The following MTMR2 variants were observed in gnomAD, a reference collection of about 807,000 sequenced individuals.
MTMR2 encodes the protein myotubularin related protein 2.
In MTMR2, 55 loss-of-function variants were observed where a neutral mutation model predicts 86.9. The observed-to-expected ratio is 0.63, with a 90% CI of 0.51 to 0.79. The LOEUF is 0.79. MTMR2 is among the 30% of genes least tolerant of loss of function. The probability of loss-of-function intolerance (pLI) is 0.00; values close to 1 mark genes in which losing one functional copy is unlikely to be tolerated. For missense variants in MTMR2, 659 were observed against 772.3 expected (o/e 0.85, Z 1.74); for synonymous variants, 241 against 266.8 (o/e 0.90, Z 0.94).
At chr11:95,907,638 A>G (rs1425572940) in intron 1 of MTMR2, among the ~76,000 whole-genome samples, 1 of 152,216 alleles carries the variant, frequency 6.6e-6, no homozygotes, top group East Asian at 1.9e-4. Flanking sequence ...AATCGAATCA[A>G]GCAGTGCATC....
chr11:95,867,819 A>G (rs1425165087), intron 2 of MTMR2, among the ~76,000 whole-genome samples: 1 of 149,614 alleles, frequency 6.7e-6, no homozygotes, highest in Non-Finnish European at 1.5e-5. Context: ...AGGCCTAGAA[A>G]AAAAAAAAAA....
intron 12 of MTMR2, among the ~76,000 whole-genome samples, chr11:95,839,075 T>C (rs922481907): frequency 6.6e-6 from 1 of 152,064 alleles, no homozygotes; most frequent in African/African-American, 2.4e-5. Flanking sequence ...CTTAGATCCC[T>C]TCCTTTATAG....
At chr11:95,887,514 A>C (rs902510061) in intron 2 of MTMR2, 2 of 151,362 alleles carry the variant, frequency 1.3e-5, no homozygotes, top group Admixed American at 6.6e-5. Context: ...AGTTATAGAA[A>C]AGTAGATAAA....
At chr11:95,908,545 CA>C (rs920808475) in intron 1 of MTMR2, among the ~76,000 whole-genome samples, 135 of 152,206 alleles carry the variant, frequency 8.9e-4, no homozygotes, top group African/African-American at 3.1e-3. Flanking sequence ...CAATTCTAAA[CA>C]AAAAGAACAA....
chr11:95,860,176 C>A (rs180775692), intron 5 of MTMR2, among the ~76,000 whole-genome samples: 1 of 152,084 alleles, frequency 6.6e-6, no homozygotes, highest in African/African-American at 2.4e-5. Flanking sequence ...TGGTTGCCAG[C>A]GATTACACTC....
intron 2 of MTMR2, chr11:95,882,487 G>A (rs1865363170): frequency 6.8e-6 from 1 of 146,902 alleles, no homozygotes; most frequent in Non-Finnish European, 1.5e-5. Context: ...GGGATAGAGC[G>A]AGACTCCCTC....
intron 2 of MTMR2, 54 bp downstream of exon 2, chr11:95,888,102 C>A (rs543079333): frequency 2.9e-5 from 38 of 1,300,636 alleles, no homozygotes; most frequent in African/African-American, 2.8e-4. Context: ...ATAGTGTTGG[C>A]CACAAATATT....
intron 13 of MTMR2, among the ~76,000 whole-genome samples, chr11:95,837,684 A>G (rs1863345297): frequency 6.6e-6 from 1 of 152,050 alleles, no homozygotes; most frequent in South Asian, 2.1e-4. Flanking sequence ...TTAACCTAAA[A>G]TGTCTCAATA....
At chr11:95,850,198 A>C (rs1863963173) in intron 8 of MTMR2, among the ~76,000 whole-genome samples, 1 of 149,014 alleles carries the variant, frequency 6.7e-6, no homozygotes, top group Non-Finnish European at 1.5e-5. Context: ...AGAATCTATG[A>C]ATTTTGTACC....
At chr11:95,908,749 CTA>C (rs1336747913) in intron 1 of MTMR2, among the ~76,000 whole-genome samples, 1 of 152,086 alleles carries the variant, frequency 6.6e-6, no homozygotes, top group African/African-American at 2.4e-5. Flanking sequence ...GGAAAGGACT[CTA>C]TTCAATTAAT....
chr11:95,847,903 GA>G lies in MTMR2; in HGVS notation c.994-5del. ...TTTCATAACCTCCACCCTTTGCCTG[GA>G]AAAAAGCACACATCATGGAAAATCA... On this transcript the variant is annotated splice_region_variant and splice_polypyrimidine_tract_variant and intron_variant, in intron 9 of 14. Coordinates refer to ENST00000346299, the MANE Select transcript of MTMR2 (RefSeq NM_016156.6). 2 of 1,612,996 alleles carry G rather than the reference GA, an allele frequency of 1.2e-6. No homozygotes were observed. The highest frequency in any genetic ancestry group is 1.7e-6 in the Non-Finnish European group (2 of 1,179,352).
At chr11:95,921,832 A>C (rs1473978672) in intron 1 of MTMR2, among the ~76,000 whole-genome samples, 1 of 152,212 alleles carries the variant, frequency 6.6e-6, no homozygotes, top group Non-Finnish European at 1.5e-5. Flanking sequence ...AATTCTCTCG[A>C]GGAGTACTTA....
At chr11:95,896,301 T>C (rs944386303) in intron 1 of MTMR2, among the ~76,000 whole-genome samples, 3 of 151,936 alleles carry the variant, frequency 2.0e-5, no homozygotes, top group African/African-American at 7.3e-5. Flanking sequence ...GTTTGATTAA[T>C]GATTTTTTTT....
intron 2 of MTMR2, among the ~76,000 whole-genome samples, chr11:95,868,516 G>A (rs1864723891): frequency 1.3e-5 from 2 of 150,978 alleles, no homozygotes; most frequent in Admixed American, 1.3e-4. Flanking sequence ...AGTGCTGTAA[G>A]AATTTGAAGG....
chr11:95,875,674 T>C (rs1480711435), intron 2 of MTMR2, among the ~76,000 whole-genome samples: 1 of 152,238 alleles, frequency 6.6e-6, no homozygotes, highest in Non-Finnish European at 1.5e-5. Flanking sequence ...AGAGGTGCTC[T>C]TCTGACTTTT....
intron 7 of MTMR2, among the ~76,000 whole-genome samples, chr11:95,854,778 T>C (rs1319397872): frequency 6.7e-6 from 1 of 150,226 alleles, no homozygotes; most frequent in Non-Finnish European, 1.5e-5. Context: ...TCATTATCTT[T>C]ATACAGATTT....
intron 2 of MTMR2, among the ~76,000 whole-genome samples, chr11:95,872,933 T>C (rs146552611): frequency 0.056 from 8,550 of 152,298 alleles, 824 homozygotes; most frequent in African/African-American, 0.19. Context: ...TTTGTGTATG[T>C]TGAACCAGCC....
chr11:95,922,057 T>C (rs1866948810), intron 1 of MTMR2, among the ~76,000 whole-genome samples: 1 of 152,246 alleles, frequency 6.6e-6, no homozygotes, highest in African/African-American at 2.4e-5. Context: ...TTAAAATTAA[T>C]ATCAATGCAT....
At chr11:95,909,444 T>G (rs967371567) in intron 1 of MTMR2, among the ~76,000 whole-genome samples, 2 of 152,166 alleles carry the variant, frequency 1.3e-5, no homozygotes, top group African/African-American at 4.8e-5. Flanking sequence ...GAATCCCTTT[T>G]AATGCTGCAA....
Sources: allele counts gnomAD v4.1 joint callset (sites outside exome capture counted in the v4.1 genomes callset), GRCh38; gene constraint gnomAD v4.1.1; transcripts MANE v1.5; gene names NCBI Gene and HGNC (gene_info 2026-07-23, HGNC 2026-07-21).